The following SND1 variants were observed in gnomAD, a reference collection of about 807,000 sequenced individuals.
The protein encoded by SND1 is staphylococcal nuclease domain-containing protein 1.
In SND1, 38 loss-of-function variants were observed where a neutral mutation model predicts 121.7. The ratio of observed to expected loss-of-function variants is 0.31; its 90% CI spans 0.24 to 0.41. SND1 has a LOEUF of 0.41. Among genes scored for constraint, SND1 ranks in the 10% least tolerant of loss-of-function variants. SND1 has a pLI of 1.00. For missense variants in SND1, 868 were observed against 1,184.6 expected, an observed-to-expected ratio of 0.73 and a Z score of 3.92; for synonymous variants, 401 against 447.4, an observed-to-expected ratio of 0.90 and a Z score of 1.31.
chr7:127,801,616 T>C (rs1316304325), intron 10 of SND1, among the ~76,000 whole-genome samples: 1 of 152,148 alleles, frequency 6.6e-6, no homozygotes, highest in Non-Finnish European at 1.5e-5. Context: ...CTCTTCTCTC[T>C]CTCCTTTGCT....
Position 127,844,370 on chromosome 7 carries a change from A to G in SND1, c.1289A>G (p.Glu430Gly), listed in dbSNP as rs1240422205. 1 of 1,613,692 alleles carries G rather than the reference A, an allele frequency of 6.2e-7. No homozygotes were observed. The highest frequency in any genetic ancestry group is 1.7e-5 in the Admixed American group (1 of 59,952). The stretch of plus-strand genomic sequence containing the variant: ...ATTAGACCAGCCAGCCCAGCCACAG[A>G]GACAGTGCCTGCCTTTTCAGAGCGT... ...DYIRPASPAT[E>G]TVPAFSERTC... is the part of the protein sequence containing the mutation. The change falls in exon 12 of 24, where the codon GAG becomes GGG. Residue 430 changes from glutamate to glycine, a missense_variant. Around this residue, in one of 2 missense-constraint regions of SND1, gnomAD observed 743 missense variants for 1,071.3 expected, o/e 0.69. Transcript: ENST00000354725.
intron 13 of SND1, among the ~76,000 whole-genome samples, chr7:127,897,006 A>G (rs1287502753): frequency 2.0e-5 from 3 of 152,154 alleles, no homozygotes; most frequent in Admixed American, 6.6e-5. Context: ...TGATACATCA[A>G]TGCACAGAAT....
At chr7:127,801,697 G>A (rs774483993) in intron 10 of SND1, among the ~76,000 whole-genome samples, 4 of 152,004 alleles carry the variant, frequency 2.6e-5, no homozygotes, top group African/African-American at 4.8e-5. Flanking sequence ...TCGCTCTGCC[G>A]CCTCCTTGCC....
chr7:127,844,271 G>A, intron 11 of SND1, 53 bp from the exon 12 acceptor site: 1 of 1,439,070 alleles, frequency 6.9e-7, no homozygotes, highest in Non-Finnish European at 9.7e-7. Flanking sequence ...GTGGCTGCTA[G>A]TGAGCTATGT....
Position 128,092,316 on chromosome 7 carries a change from G to T in SND1, c.*258G>T, listed in dbSNP as rs1793795669. 3 of 468,108 alleles carry T rather than the reference G, an allele frequency of 6.4e-6. No homozygotes were observed. The highest frequency in any genetic ancestry group is 4.8e-5 in the South Asian group (1 of 20,638). 29.0% of individuals were successfully genotyped at this position (468,108 alleles called of 1,614,324 possible). ...GCCAGTTGGTTTTATTTGGAGGTTT[G>T]TGGGCTTTTTTTAAAAAAAAAAAGT... is the stretch of plus-strand genomic sequence containing the variant. On this transcript the variant is annotated 3_prime_UTR_variant, in exon 24 of 24. Coordinates refer to ENST00000354725, the MANE Select transcript of SND1 (RefSeq NM_014390.4). The surrounding 1 kb of genome is among the most constrained non-coding windows in gnomAD (Gnocchi z 4.9).
At position 127,953,512 on chromosome 7, in the gene SND1, T is replaced by C. The variant is rs1007330258; in HGVS notation, c.1669+24183T>C. Among the ~76,000 whole-genome samples the C allele has an allele frequency of 8.2e-4, 125 of 152,286 alleles. 6 individuals carry two copies. The highest frequency in any genetic ancestry group is 8.2e-3 in the Admixed American group (125 of 15,294). On this transcript the variant is annotated intron_variant, in intron 15 of 23. Coordinates refer to ENST00000354725, the MANE Select transcript of SND1 (RefSeq NM_014390.4). Reference sequence around the variant, plus strand: ...GGAGGGCAAATATGAAGTAAACATTTGCATGTGCATGTGGACTGGACCAGT... The same window carrying C: ...GGAGGGCAAATATGAAGTAAACATTCGCATGTGCATGTGGACTGGACCAGT...
intron 10 of SND1, among the ~76,000 whole-genome samples, chr7:127,748,688 A>G (rs1797023466): frequency 6.6e-6 from 1 of 152,226 alleles, no homozygotes; most frequent in Non-Finnish European, 1.5e-5. Flanking sequence ...ACAAAACTAC[A>G]TGAATTGGTC....
intron 11 of SND1, among the ~76,000 whole-genome samples, chr7:127,838,975 T>C (rs1222584556): frequency 6.6e-6 from 1 of 152,140 alleles, no homozygotes; most frequent in Non-Finnish European, 1.5e-5. Context: ...CCTACAGCAG[T>C]GAGATACGCA....
At chr7:127,945,274 C>T (rs559465721) in intron 15 of SND1, among the ~76,000 whole-genome samples, 7 of 152,132 alleles carry the variant, frequency 4.6e-5, no homozygotes, top group Non-Finnish European at 7.4e-5. Context: ...GGGCGGATCA[C>T]GAGGTCAGGA....
intron 22 of SND1, among the ~76,000 whole-genome samples, chr7:128,091,233 G>A (rs372192345): frequency 4.1e-4 from 62 of 152,278 alleles, no homozygotes; most frequent in African/African-American, 1.4e-3. Context: ...CTCTTGTTTG[G>A]TTTGGTTTCT....
chr7:127,939,958 G>C (rs1258538326), intron 15 of SND1, among the ~76,000 whole-genome samples: 2 of 152,246 alleles, frequency 1.3e-5, no homozygotes, highest in African/African-American at 4.8e-5. Context: ...GAGACAAGGG[G>C]AGAAAACATC....
intron 15 of SND1, among the ~76,000 whole-genome samples, chr7:127,968,192 A>G (rs929352233): frequency 6.6e-6 from 1 of 152,182 alleles, no homozygotes; most frequent in African/African-American, 2.4e-5. Flanking sequence ...TTTTTTTCAA[A>G]GAATATTTTA....
intron 15 of SND1, among the ~76,000 whole-genome samples, chr7:127,966,950 G>A (rs140794453): frequency 1.3e-5 from 2 of 152,258 alleles, no homozygotes; most frequent in East Asian, 3.9e-4. Flanking sequence ...AATTGATAGA[G>A]CGGCATATTT....
intron 13 of SND1, among the ~76,000 whole-genome samples, chr7:127,896,763 C>G (rs1200741403): frequency 1.3e-5 from 2 of 152,130 alleles, no homozygotes; most frequent in Admixed American, 1.3e-4. Flanking sequence ...TCCTCAGACT[C>G]TGAGTTCATG....
At chr7:127,709,268 G>C (rs1194114780) in intron 9 of SND1, among the ~76,000 whole-genome samples, 1 of 152,206 alleles carries the variant, frequency 6.6e-6, no homozygotes, top group Non-Finnish European at 1.5e-5. Flanking sequence ...CCCGTAGTTA[G>C]CATAGCTGTG....
intron 13 of SND1, among the ~76,000 whole-genome samples, chr7:127,902,894 AT>A (rs200523577): frequency 2.1e-5 from 3 of 142,978 alleles, no homozygotes; most frequent in African/African-American, 7.8e-5. Flanking sequence ...ATTTTATTTT[AT>A]TTTTTTTTGA....
chr7:127,836,696 C>A (rs746553812), intron 11 of SND1, among the ~76,000 whole-genome samples: 1 of 152,094 alleles, frequency 6.6e-6, no homozygotes, highest in Non-Finnish European at 1.5e-5. Flanking sequence ...TTAACAGAAG[C>A]CTTAATTATT....
intron 11 of SND1, among the ~76,000 whole-genome samples, chr7:127,828,031 C>T (rs1798674444): frequency 6.6e-6 from 1 of 152,104 alleles, no homozygotes; most frequent in African/African-American, 2.4e-5. Context: ...GGCAGTCTCG[C>T]TGTTGCCCAG....
intron 1 of SND1, among the ~76,000 whole-genome samples, chr7:127,676,635 G>A (rs1383558751): frequency 6.6e-6 from 1 of 152,232 alleles, no homozygotes; most frequent in East Asian, 1.9e-4. Flanking sequence ...CTTTCCTAGT[G>A]AGTGGGTATC....
Sources: gnomAD v4.1 joint callset for allele counts (sites outside exome capture counted in the v4.1 genomes callset) on GRCh38, gnomAD v4.1.1 for gene constraint, gnomAD v4.1.1 regional missense constraint, Gnocchi (gnomAD v3.1) non-coding constraint, MANE v1.5 for transcripts, NCBI Gene and HGNC (gene_info 2026-07-23, HGNC 2026-07-21) for gene names.